CSMD1: variants seen among roughly 807,000 people sequenced by gnomAD.
CSMD1 encodes the protein CUB and Sushi multiple domains 1.
Under a neutral mutation model 417.5 loss-of-function variants are expected in CSMD1, and 213 were observed. The ratio of observed to expected loss-of-function variants is 0.51; its 90% CI spans 0.46 to 0.57. The LOEUF (loss-of-function observed/expected upper bound fraction) is 0.57. Ranked by LOEUF, CSMD1 falls within the 20% of genes least tolerant of loss-of-function variation. The pLI is 0.00. For synonymous variants in CSMD1, 2,862 were observed against 1,736.8 expected, an observed-to-expected ratio of 1.65 and a Z score of -16.11; for missense variants, 6,923 against 4,529.7, an observed-to-expected ratio of 1.53 and a Z score of -15.17.
intron 25 of CSMD1, 114 bp downstream of exon 25, chr8:3,307,581 C>G: frequency 8.1e-7 from 1 of 1,233,328 alleles, no homozygotes; most frequent in South Asian, 1.5e-5. Context: ...TTTACCTTTT[C>G]TTCTTTAGTT....
intron 1 of CSMD1, among the ~76,000 whole-genome samples, chr8:4,703,948 A>G (rs1444191950): frequency 6.6e-6 from 1 of 152,086 alleles, no homozygotes; most frequent in Non-Finnish European, 1.5e-5. Context: ...GTAGCACACA[A>G]CCTAGATCCC....
At chr8:3,585,255 G>C (rs1239105187) in intron 9 of CSMD1, among the ~76,000 whole-genome samples, 2 of 152,140 alleles carry the variant, frequency 1.3e-5, no homozygotes, top group African/African-American at 2.4e-5. Context: ...TATGCTTGTT[G>C]TACCTTTTTT....
intron 33 of CSMD1, among the ~76,000 whole-genome samples, chr8:3,197,906 A>C (rs1796789938): frequency 6.6e-6 from 1 of 152,208 alleles, no homozygotes. Context: ...TTCCAAAAAA[A>C]CTTAGTTTTG....
At chr8:4,450,591 A>G (rs780692666) in intron 2 of CSMD1, among the ~76,000 whole-genome samples, 1 of 152,112 alleles carries the variant, frequency 6.6e-6, no homozygotes, top group Non-Finnish European at 1.5e-5. Flanking sequence ...AGATCGCACC[A>G]CTGCACTCCA....
chr8:3,985,659 G>C (rs907314445), intron 5 of CSMD1, among the ~76,000 whole-genome samples: 2 of 152,216 alleles, frequency 1.3e-5, no homozygotes, highest in African/African-American at 2.4e-5. Flanking sequence ...AAGCTTGCTA[G>C]GTTGATGCTA....
chr8:4,850,624 T>A (rs148497311), intron 1 of CSMD1, among the ~76,000 whole-genome samples: 4 of 152,160 alleles, frequency 2.6e-5, no homozygotes, highest in African/African-American at 7.2e-5. Flanking sequence ...CTCTTTCTTT[T>A]CTCTCTATGA....
chr8:4,719,515 C>A (rs772295947), intron 1 of CSMD1, among the ~76,000 whole-genome samples: 5 of 150,328 alleles, frequency 3.3e-5, no homozygotes, highest in Admixed American at 6.7e-5. Flanking sequence ...TTAGTCCCCA[C>A]CCCCACCTAC....
At chr8:3,241,445 A>C (rs1020578413) in intron 26 of CSMD1, among the ~76,000 whole-genome samples, 1 of 152,138 alleles carries the variant, frequency 6.6e-6, no homozygotes, top group African/African-American at 2.4e-5. Context: ...GTGTTGGTCT[A>C]CAGGGCTTCC....
At chr8:3,279,789 A>G (rs1802591982) in intron 26 of CSMD1, among the ~76,000 whole-genome samples, 1 of 152,120 alleles carries the variant, frequency 6.6e-6, no homozygotes, top group Admixed American at 6.5e-5. Context: ...AGCAGGAGAA[A>G]TGCCAGACCC....
At chr8:4,160,967 T>C (rs1456170025) in intron 3 of CSMD1, among the ~76,000 whole-genome samples, 1 of 152,236 alleles carries the variant, frequency 6.6e-6, no homozygotes, top group African/African-American at 2.4e-5. Context: ...TCAGTTGATA[T>C]AAAAATTGTT....
chr8:4,435,583 A>G (rs1311766823), intron 2 of CSMD1, among the ~76,000 whole-genome samples: 1 of 152,182 alleles, frequency 6.6e-6, no homozygotes, highest in Non-Finnish European at 1.5e-5. Flanking sequence ...CCTTCCAGGA[A>G]TCATGGAATC....
rs544320817 is a variant in CSMD1 at position 3,811,212 on chromosome 8, G to A, written c.819-57170C>T. On this transcript the variant is annotated intron_variant, in intron 5 of 69. Transcript: ENST00000635120. ...ATTCGAATTATTTTTTAAGGGAGAA[G>A]GGCAATCTGTGAGTATGAAACACCC... Among the ~76,000 whole-genome samples, 27 of 152,278 alleles carry A rather than the reference G, an allele frequency of 1.8e-4. No individual in the cohort carries two copies. In the South Asian group the frequency reaches 3.9e-3, roughly 22 times the overall value.
chr8:4,253,943 G>A (rs181516381), intron 3 of CSMD1, among the ~76,000 whole-genome samples: 1 of 112,364 alleles, frequency 8.9e-6, no homozygotes, highest in African/African-American at 3.4e-5. Flanking sequence ...TTGAGATGGA[G>A]TCTTGCTCTA....
intron 25 of CSMD1, among the ~76,000 whole-genome samples, chr8:3,298,793 C>T (rs1164783731): frequency 1.3e-5 from 2 of 152,144 alleles, no homozygotes; most frequent in Non-Finnish European, 2.9e-5. Context: ...CAAAACTCTT[C>T]TGAAGTCTTA....
chr8:4,135,137 T>C lies in CSMD1; in HGVS notation c.416-103038A>G, dbSNP rs114833630. 6.4e-3 allele frequency among the ~76,000 whole-genome samples: 976 copies of C among 152,246 alleles called. 12 individuals carry two copies. Among genetic ancestry groups the C allele is most frequent in the African/African-American group, 0.023 (941 of 41,554 alleles). Reference sequence around the variant, plus strand: ...AAATGTTCTTGACGCACACAAAATATTGTCATATTCTGGTACAATCACTAT... The same window carrying C: ...AAATGTTCTTGACGCACACAAAATACTGTCATATTCTGGTACAATCACTAT... On this transcript the variant is annotated intron_variant, in intron 3 of 69. Transcript: ENST00000635120.
chr8:3,405,655 G>C (rs755023893), intron 15 of CSMD1, among the ~76,000 whole-genome samples: 2 of 152,104 alleles, frequency 1.3e-5, no homozygotes, highest in Non-Finnish European at 2.9e-5. Context: ...TTTTAACAAG[G>C]AGAATTTAGA....
In CSMD1 at chr8:4,887,380, C is replaced by T. The variant is rs79693723; in HGVS notation, c.85+106952G>A. Among the ~76,000 whole-genome samples the T allele has an allele frequency of 6.5e-3, 981 of 151,964 alleles. 15 individuals carry two copies. Among genetic ancestry groups the T allele is most frequent in the African/African-American group, 0.023 (940 of 41,396 alleles). ...AAATGTATTAAGGCTTATTTTATGA[C>T]GTAAATACAGTTATCATGGACAACA... On this transcript the variant is annotated intron_variant, in intron 1 of 69. Transcript: ENST00000635120.
chr8:3,605,569 T>C (rs1174038523), intron 8 of CSMD1, among the ~76,000 whole-genome samples: 1 of 152,244 alleles, frequency 6.6e-6, no homozygotes, highest in Non-Finnish European at 1.5e-5. Flanking sequence ...TTTCTGCTTC[T>C]TATTATGTAA....
intron 10 of CSMD1, among the ~76,000 whole-genome samples, chr8:3,524,148 T>C (rs970382086): frequency 6.8e-6 from 1 of 147,298 alleles, no homozygotes; most frequent in East Asian, 2.1e-4. Context: ...CACGCACATA[T>C]GCATGCACAG....
Sources: gnomAD v4.1 joint callset for allele counts (sites outside exome capture counted in the v4.1 genomes callset) on GRCh38, gnomAD v4.1.1 for gene constraint, MANE v1.5 for transcripts, NCBI Gene and HGNC (gene_info 2026-07-23, HGNC 2026-07-21) for gene names.